ASIC2: variants seen among roughly 807,000 people sequenced by gnomAD.
The protein encoded by ASIC2 is acid sensing ion channel subunit 2, also known as acid-sensing ion channel 2.
Under a neutral mutation model 57.3 loss-of-function variants are expected in ASIC2, and 25 were observed. The ratio of observed to expected loss-of-function variants is 0.44; its 90% CI spans 0.32 to 0.61. The LOEUF is 0.61. Ranked by LOEUF, ASIC2 falls within the 20% of genes least tolerant of loss-of-function variation. The probability of loss-of-function intolerance (pLI) is 0.06; values close to 1 mark genes in which losing one functional copy is unlikely to be tolerated. For synonymous variants in ASIC2, 319 were observed against 307.5 expected (o/e 1.04, Z -0.39); for missense variants, 641 against 738.1 (o/e 0.87, Z 1.52).
At chr17:33,529,251 T>C (rs1228496294) in intron 1 of ASIC2, among the ~76,000 whole-genome samples, 1 of 152,218 alleles carries the variant, frequency 6.6e-6, no homozygotes, top group Non-Finnish European at 1.5e-5. Flanking sequence ...AATACAGTGA[T>C]GCCCGAGCCC....
At chr17:33,412,503 G>A (rs1910698052) in intron 1 of ASIC2, among the ~76,000 whole-genome samples, 1 of 152,200 alleles carries the variant, frequency 6.6e-6, no homozygotes, top group South Asian at 2.1e-4. Flanking sequence ...CTTGCAGAGA[G>A]GAAGGCTCAG....
chr17:34,091,857 GTATTT>G (rs1267685248), intron 1 of ASIC2, among the ~76,000 whole-genome samples: 4 of 152,166 alleles, frequency 2.6e-5, no homozygotes, highest in Admixed American at 6.5e-5. Context: ...TCCCAGTTCT[GTATTT>G]TATTAGCTAC....
At chr17:33,972,590 A>C (rs1905253067) in intron 1 of ASIC2, among the ~76,000 whole-genome samples, 1 of 152,118 alleles carries the variant, frequency 6.6e-6, no homozygotes, top group Non-Finnish European at 1.5e-5. Flanking sequence ...AAATCCAAAA[A>C]TCCTTTATTG....
chr17:34,080,156 A>T (rs897590897), intron 1 of ASIC2, among the ~76,000 whole-genome samples: 77 of 152,238 alleles, frequency 5.1e-4, no homozygotes, highest in African/African-American at 1.8e-3. Flanking sequence ...AAAAGGGACC[A>T]TTAATAGCCT....
chr17:33,916,153 A>G (rs1260926932), intron 1 of ASIC2, among the ~76,000 whole-genome samples: 2 of 152,016 alleles, frequency 1.3e-5, no homozygotes, highest in African/African-American at 4.8e-5. Flanking sequence ...CTCCCAACAT[A>G]TGAGATTTGG....
intron 1 of ASIC2, among the ~76,000 whole-genome samples, chr17:33,610,436 C>T (rs1236374561): frequency 1.3e-5 from 2 of 152,164 alleles, no homozygotes; most frequent in African/African-American, 2.4e-5. Context: ...GAATTACAAG[C>T]GTGAGGCACC....
chr17:33,834,596 T>C (rs1002452452), intron 1 of ASIC2: 4 of 152,166 alleles, frequency 2.6e-5, no homozygotes, highest in African/African-American at 7.2e-5. Flanking sequence ...TACAGCCAGG[T>C]TTAACATGGA....
intron 1 of ASIC2, among the ~76,000 whole-genome samples, chr17:33,333,277 A>G (rs1479057963): frequency 6.6e-6 from 1 of 152,244 alleles, no homozygotes; most frequent in African/African-American, 2.4e-5. Flanking sequence ...AATCTGAAAT[A>G]TGGAGGAAGT....
chr17:34,131,926 A>G (rs1013432219), intron 1 of ASIC2, among the ~76,000 whole-genome samples: 3 of 152,136 alleles, frequency 2.0e-5, no homozygotes, highest in South Asian at 2.1e-4. Context: ...AGGGACATTT[A>G]GGAACTCTGG....
intron 1 of ASIC2, among the ~76,000 whole-genome samples, chr17:33,355,748 A>G (rs1184442031): frequency 6.6e-6 from 1 of 152,184 alleles, no homozygotes; most frequent in South Asian, 2.1e-4. Context: ...TATTCATTCA[A>G]CATTTACTGT....
intron 1 of ASIC2, among the ~76,000 whole-genome samples, chr17:33,586,330 C>T (rs1269540090): frequency 2.6e-5 from 4 of 152,028 alleles, no homozygotes; most frequent in Admixed American, 6.6e-5. Context: ...GTAACCTGCT[C>T]GGGTGAATTG....
chr17:33,615,304 G>A (rs572131047), intron 1 of ASIC2, among the ~76,000 whole-genome samples: 5 of 152,274 alleles, frequency 3.3e-5, no homozygotes, highest in Non-Finnish European at 7.4e-5. Context: ...AAAAGTACCT[G>A]TTATTTCCTT....
intron 1 of ASIC2, among the ~76,000 whole-genome samples, chr17:33,906,012 T>TTC (rs1491196201): frequency 9.2e-5 from 1 of 10,898 alleles, no homozygotes; most frequent in Non-Finnish European, 2.2e-4. Flanking sequence ...TTTAATTAAA[T>TTC]TTTTTTTTTT....
At chr17:34,044,290 C>T (rs544936575) in intron 1 of ASIC2, among the ~76,000 whole-genome samples, 2 of 152,276 alleles carry the variant, frequency 1.3e-5, no homozygotes, top group African/African-American at 4.8e-5. Context: ...CCAGAGAATG[C>T]AGGCTTCCAG....
At chr17:33,930,706 C>G (rs1342110584) in intron 1 of ASIC2, among the ~76,000 whole-genome samples, 2 of 152,196 alleles carry the variant, frequency 1.3e-5, no homozygotes, top group Non-Finnish European at 2.9e-5. Flanking sequence ...AGGGGTGTGT[C>G]GAAGTGAGCT....
chr17:33,544,147 G>T (rs866102487), intron 1 of ASIC2, among the ~76,000 whole-genome samples: 1 of 152,132 alleles, frequency 6.6e-6, no homozygotes, highest in South Asian at 2.1e-4. Context: ...GTAGTCTTTT[G>T]TATTTGACTT....
At chr17:33,826,999 A>G (rs1481445372) in intron 1 of ASIC2, among the ~76,000 whole-genome samples, 1 of 152,210 alleles carries the variant, frequency 6.6e-6, no homozygotes, top group Non-Finnish European at 1.5e-5. Context: ...TTGGGCACAT[A>G]AAGTTGCTTT....
chr17:33,292,283 C>G lies in ASIC2; in HGVS notation c.-168G>C. On this transcript the variant is annotated 5_prime_UTR_variant, in exon 1 of 10. Transcript: ENST00000225823. ...GGTGGCGCGGCATGCCCGCCCGGCGCCGCCGCTGCCGCCTCCGCGGGCGCC... is the reference window on the plus strand; with the variant it reads ...GGTGGCGCGGCATGCCCGCCCGGCGGCGCCGCTGCCGCCTCCGCGGGCGCC... 1 of 989,004 alleles carries G rather than the reference C, an allele frequency of 1.0e-6. No homozygotes were observed. Among genetic ancestry groups the G allele is most frequent in the Non-Finnish European group, 1.2e-6 (1 of 833,438 alleles). 61.3% of individuals were successfully genotyped at this position (989,004 alleles called of 1,614,324 possible).
chr17:33,794,982 T>C (rs1911874615), intron 1 of ASIC2, among the ~76,000 whole-genome samples: 1 of 152,198 alleles, frequency 6.6e-6, no homozygotes, highest in African/African-American at 2.4e-5. Flanking sequence ...AGCCACATTA[T>C]CTGAATGACC....
Sources: gnomAD v4.1 joint callset for allele counts (sites outside exome capture counted in the v4.1 genomes callset) on GRCh38, gnomAD v4.1.1 for gene constraint, MANE v1.5 for transcripts, NCBI Gene and HGNC (gene_info 2026-07-23, HGNC 2026-07-21) for gene names.